Variants in GRIK2 observed in about 807,000 individuals in gnomAD.
GRIK2 encodes the protein glutamate receptor ionotropic, kainate 2.
GRIK2 carries 32 observed loss-of-function variants against 100.3 expected under a neutral mutation model. That is an observed-to-expected ratio of 0.32 (90% confidence interval 0.24 to 0.43). The LOEUF (loss-of-function observed/expected upper bound fraction) is 0.43. GRIK2 is among the 20% of genes least tolerant of loss of function. GRIK2 has a pLI of 1.00. For synonymous variants in GRIK2, 417 were observed against 389.4 expected, an observed-to-expected ratio of 1.07 and a Z score of -0.83; for missense variants, 843 against 1,114.9, an observed-to-expected ratio of 0.76 and a Z score of 3.47.
chr6:101,612,145 G>C (rs572417917), intron 2 of GRIK2, among the ~76,000 whole-genome samples: 13 of 151,814 alleles, frequency 8.6e-5, no homozygotes, highest in Middle Eastern at 3.2e-3. Context: ...CTGTGTAACT[G>C]ACCTTAGGAA....
chr6:101,630,000 A>T (rs914182061), intron 4 of GRIK2, among the ~76,000 whole-genome samples: 1 of 152,168 alleles, frequency 6.6e-6, no homozygotes, highest in African/African-American at 2.4e-5. Context: ...TTCACTTAGG[A>T]TAATGGCTTT....
In GRIK2 at chr6:102,069,750, CA is replaced by C. The variant is rs1434818879; in HGVS notation, c.*1240del. ...ACAAAACAAGAACATGTGTTCCTGT[CA>C]GGGGTGTGATGTCAAGCATGAATGG... is the stretch of plus-strand genomic sequence containing the variant. On this transcript the variant is annotated 3_prime_UTR_variant, in exon 17 of 17. Coordinates refer to ENST00000369134, the MANE Select transcript of GRIK2 (RefSeq NM_021956.5). The C allele has an allele frequency of 6.6e-6, 1 of 151,854 alleles. No individual in the cohort carries two copies. Among genetic ancestry groups the C allele is most frequent in the Non-Finnish European group, 1.5e-5 (1 of 67,944 alleles). 9.4% of individuals were successfully genotyped at this position (151,854 alleles called of 1,614,324 possible). A position where few individuals can be genotyped will look rare whatever the true frequency, so the allele number is the denominator to read the frequency against.
At chr6:102,059,647 GAT>G (rs1771646838) in intron 16 of GRIK2, among the ~76,000 whole-genome samples, 1 of 150,844 alleles carries the variant, frequency 6.6e-6, no homozygotes, top group Non-Finnish European at 1.5e-5. Flanking sequence ...AGAATTATAA[GAT>G]ATAATAATTT....
In GRIK2 at chr6:101,737,108, G is replaced by C. The variant is rs562057235; in HGVS notation, c.951+50755G>C. Among the ~76,000 whole-genome samples the C allele has an allele frequency of 9.0e-4, 137 of 151,916 alleles. 1 individual carries two copies. The highest frequency in any genetic ancestry group is 6.8e-3 in the Middle Eastern group (2 of 292). On this transcript the variant is annotated intron_variant, in intron 7 of 16. Coordinates refer to ENST00000369134, the MANE Select transcript of GRIK2 (RefSeq NM_021956.5). ...AGACCACCTCAGCCTTGATTTCATTGTCCATATCATTATCAGGATTTTGGT... is the reference window on the plus strand; with the variant it reads ...AGACCACCTCAGCCTTGATTTCATTCTCCATATCATTATCAGGATTTTGGT...
At chr6:101,655,216 G>A (rs1012927642) in intron 4 of GRIK2, among the ~76,000 whole-genome samples, 1 of 152,140 alleles carries the variant, frequency 6.6e-6, no homozygotes, top group Non-Finnish European at 1.5e-5. Context: ...TGTGATAAGA[G>A]TATTTTAGGT....
In GRIK2 at chr6:101,489,527, A is replaced by C. The variant is rs911877808; in HGVS notation, c.115+90135A>C. 4.1e-5 allele frequency among the ~76,000 whole-genome samples: 6 copies of C among 146,486 alleles called. 1 individual carries two copies. The highest frequency in any genetic ancestry group is 2.7e-4 in the Admixed American group (4 of 14,704). The stretch of plus-strand genomic sequence containing the variant: ...CCATAGAAGCTGGATCCATGAAAGT[A>C]TCATTTTGCCAACTATGATAACATA... On this transcript the variant is annotated intron_variant, in intron 2 of 16. Coordinates refer to ENST00000369134, the MANE Select transcript of GRIK2 (RefSeq NM_021956.5).
intron 15 of GRIK2, among the ~76,000 whole-genome samples, chr6:102,052,512 A>C (rs1395426282): frequency 2.6e-5 from 4 of 152,156 alleles, no homozygotes. Context: ...GCGGTGTCTC[A>C]CTTGCTGAAA....
At chr6:101,713,744 AATTTATAATTAC>A (rs1216744267) in intron 7 of GRIK2, among the ~76,000 whole-genome samples, 1 of 151,826 alleles carries the variant, frequency 6.6e-6, no homozygotes, top group Non-Finnish European at 1.5e-5. Flanking sequence ...GAAATAGTCA[AATTTATAATTAC>A]ATTTGTGACA....
In GRIK2 at chr6:101,626,535, G is replaced by A. The variant is rs1780449062; in HGVS notation, c.439G>A (p.Val147Ile). The A allele has an allele frequency of 6.2e-7, 1 of 1,613,794 alleles. No homozygotes were observed. Among genetic ancestry groups the A allele is most frequent in the African/African-American group, 1.3e-5 (1 of 74,892 alleles). Residue 147 changes from valine to isoleucine, a missense_variant, in exon 4 of 17, where the codon GTC becomes ATC. Around this residue, in one of 3 missense-constraint regions of GRIK2, gnomAD observed 519 missense variants for 643.8 expected, o/e 0.81. Coordinates refer to ENST00000369134, the MANE Select transcript of GRIK2 (RefSeq NM_021956.5). Reference sequence around the variant, plus strand: ...GTCAGACAACAAAGATTCCTTCTATGTCAGTCTCTACCCAGACTTCTCTTC... The same window carrying A: ...GTCAGACAACAAAGATTCCTTCTATATCAGTCTCTACCCAGACTTCTCTTC... The part of the protein sequence containing the change: ...QVSDNKDSFY[V>I]SLYPDFSSLS...
chr6:101,610,678 C>T (rs1396620728), intron 2 of GRIK2, among the ~76,000 whole-genome samples: 1 of 151,768 alleles, frequency 6.6e-6, no homozygotes, highest in East Asian at 1.9e-4. Context: ...CAGATCATTT[C>T]ACCTGATCCC....
intron 14 of GRIK2, among the ~76,000 whole-genome samples, chr6:102,010,461 G>C (rs1795473372): frequency 6.6e-6 from 1 of 151,550 alleles, no homozygotes; most frequent in Non-Finnish European, 1.5e-5. Flanking sequence ...TAGGCTCACT[G>C]CAACCTCCGC....
Position 101,960,054 on chromosome 6 carries a change from T to TG in GRIK2, c.2085+31422_2085+31423insG, listed in dbSNP as rs1491287488. On this transcript the variant is annotated intron_variant, in intron 14 of 16. Transcript: ENST00000369134. ...CTCAAAGCCTTTTTTTAGTGTTTTG[T>TG]TTTTTTTTTTTTGTCTGACTTGGTT... 2.1e-3 allele frequency among the ~76,000 whole-genome samples: 240 copies of TG among 114,928 alleles called. 5 individuals are homozygous for TG. Among genetic ancestry groups the TG allele is most frequent in the African/African-American group, 0.011 (237 of 20,678 alleles). 75.4% of individuals were successfully genotyped at this position (114,928 alleles called of 152,430 possible).
At chr6:101,537,549 T>A (rs1183404229) in intron 2 of GRIK2, among the ~76,000 whole-genome samples, 1 of 151,556 alleles carries the variant, frequency 6.6e-6, no homozygotes, top group African/African-American at 2.4e-5. Context: ...AAGTTATTTA[T>A]CTATGTTCCA....
At chr6:101,415,009 T>G (rs1263749204) in intron 2 of GRIK2, among the ~76,000 whole-genome samples, 1 of 151,106 alleles carries the variant, frequency 6.6e-6, no homozygotes, top group Non-Finnish European at 1.5e-5. Flanking sequence ...GTGTGTGGGG[T>G]GTGTGTGTGT....
Position 101,626,362 on chromosome 6 carries a change from C to T in GRIK2, c.284-18C>T, listed in dbSNP as rs751917108. On this transcript the variant is annotated intron_variant, in intron 3 of 16. Transcript: ENST00000369134. ...CACCTCTCCTCTCATTATTGACAGACCTTTATCTCCTCTTCAGCCTGTGAT... is the reference window on the plus strand; with the variant it reads ...CACCTCTCCTCTCATTATTGACAGATCTTTATCTCCTCTTCAGCCTGTGAT... 2.5e-6 allele frequency: 4 copies of T among 1,604,110 alleles called. No individual in the cohort carries two copies. The African/African-American group carries it at 5.4e-5, about 21-fold the overall frequency.
intron 4 of GRIK2, among the ~76,000 whole-genome samples, chr6:101,651,168 GTCT>G (rs759949781): frequency 2.7e-4 from 41 of 152,156 alleles, no homozygotes; most frequent in Non-Finnish European, 2.8e-4. Context: ...ATTGAGCCCA[GTCT>G]TCTGAATCCT....
chr6:101,993,133 A>T (rs1794459484), intron 14 of GRIK2: 1 of 151,302 alleles, frequency 6.6e-6, no homozygotes, highest in Non-Finnish European at 1.5e-5. Flanking sequence ...CTTTTCCTCT[A>T]TCAAACCATT....
chr6:101,953,680 C>G (rs916923115), intron 14 of GRIK2, among the ~76,000 whole-genome samples: 3 of 152,020 alleles, frequency 2.0e-5, no homozygotes, highest in Admixed American at 6.6e-5. Flanking sequence ...ATATGATTTG[C>G]AAAAGTTATT....
At chr6:101,481,220 C>A (rs1054947189) in intron 2 of GRIK2, among the ~76,000 whole-genome samples, 1 of 151,992 alleles carries the variant, frequency 6.6e-6, no homozygotes, top group Non-Finnish European at 1.5e-5. Context: ...ATTTTTGAAA[C>A]CTGTTTTTTT....
Sources: gnomAD v4.1 joint callset for allele counts (sites outside exome capture counted in the v4.1 genomes callset) on GRCh38, gnomAD v4.1.1 for gene constraint, gnomAD v4.1.1 regional missense constraint, MANE v1.5 for transcripts, NCBI Gene and HGNC (gene_info 2026-07-23, HGNC 2026-07-21) for gene names.